The following PHLPP2 variants were observed in gnomAD, a reference collection of about 807,000 sequenced individuals.
PHLPP2 encodes PH domain and leucine rich repeat protein phosphatase 2, also known as PH domain leucine-rich repeat-containing protein phosphatase 2.
PHLPP2 carries 66 observed loss-of-function variants against 124.9 expected under a neutral mutation model. The observed-to-expected ratio is 0.53, with a 90% CI of 0.43 to 0.65. The LOEUF is 0.65. Ranked by LOEUF, PHLPP2 falls within the 30% of genes least tolerant of loss-of-function variation. The probability of loss-of-function intolerance (pLI) is 0.00; values close to 1 mark genes in which losing one functional copy is unlikely to be tolerated. For synonymous variants in PHLPP2, 681 were observed against 624.7 expected (o/e 1.09, Z -1.34); for missense variants, 1,685 against 1,600.4 (o/e 1.05, Z -0.90).
chr16:71,656,547 A>C (rs768867406), intron 16 of PHLPP2, 24 bp downstream of exon 16: 2 of 1,403,466 alleles, frequency 1.4e-6, no homozygotes, highest in Non-Finnish European at 1.0e-6. Flanking sequence ...TTTCTTTCTC[A>C]GTCTCCATGG....
At chr16:71,723,764 C>T (rs1192900804) in intron 1 of PHLPP2, 15 of 1,320,420 alleles carry the variant, frequency 1.1e-5, no homozygotes, top group Admixed American at 2.7e-5. Flanking sequence ...CATCCGCCTC[C>T]TCACCTTCAG....
intron 5 of PHLPP2, 80 bp downstream of exon 5, chr16:71,684,396 G>T (rs1223872756): frequency 6.9e-7 from 1 of 1,458,170 alleles, no homozygotes; most frequent in Non-Finnish European, 9.5e-7. Context: ...AAAGTGCTGG[G>T]ATTACAGACG....
chr16:71,687,261 G>T (rs1322973986), intron 4 of PHLPP2, among the ~76,000 whole-genome samples: 1 of 152,078 alleles, frequency 6.6e-6, no homozygotes, highest in Non-Finnish European at 1.5e-5. Context: ...TAATGGGTTT[G>T]TCTTTTTGTT....
At chr16:71,679,102 A>C in intron 7 of PHLPP2, 117 bp from the exon 8 acceptor site, 1 of 661,624 alleles carries the variant, frequency 1.5e-6, no homozygotes, top group Non-Finnish European at 2.6e-6. Flanking sequence ...AAAATAGTAA[A>C]GTGTCCTAAC....
chr16:71,691,683 G>A (rs1396730899), intron 3 of PHLPP2, among the ~76,000 whole-genome samples: 1 of 151,838 alleles, frequency 6.6e-6, no homozygotes. Flanking sequence ...AAAGCTTATG[G>A]GTGGTACTTC....
rs117325492 is a variant in PHLPP2, at chr16:71,684,521, G to A, written c.690C>T (p.Phe230=). The A allele has an allele frequency of 6.2e-4, 999 of 1,613,774 alleles. 14 individuals carry two copies. The East Asian group carries it at 0.019, about 31-fold the overall frequency. The change falls in exon 5 of 19, where the codon TTC becomes TTT. Residue 230 remains phenylalanine (F), a synonymous_variant. Coordinates refer to ENST00000568954, the MANE Select transcript of PHLPP2 (RefSeq NM_015020.3). The part of the protein sequence containing the change: ...GAQAQTYHVS[F]ETLAEYQRWQ... ...ATCGCTGGTACTCGGCCAAAGTCTC[G>A]AAGCTGACATGATAGGTCTGAGCTT...
intron 2 of PHLPP2, among the ~76,000 whole-genome samples, chr16:71,705,407 A>C (rs1437631935): frequency 6.6e-6 from 1 of 152,232 alleles, no homozygotes; most frequent in Non-Finnish European, 1.5e-5. Flanking sequence ...AAGAAATGGA[A>C]GCATCCTAAT....
In PHLPP2 at chr16:71,658,342, C is replaced by T. The variant is rs778098417; in HGVS notation, c.2170G>A (p.Asp724Asn). Residue 724 changes from aspartate (D) to asparagine (N), a missense_variant, in exon 15 of 19, where the codon GAC becomes AAC. By Grantham distance (23) the Asp-to-Asn change is conservative (BLOSUM62 1). Transcript: ENST00000568954. ...QIQFVDLSCN[D>N]LTEILIPEAL... ...TCTGGAATCAGGATTTCTGTCAAGT[C>T]GTTGCAACTTAGGTCTACAAACTAA... 19 of 1,613,614 alleles carry T rather than the reference C, an allele frequency of 1.2e-5. No individual in the cohort carries two copies. Among genetic ancestry groups the T allele is most frequent in the South Asian group, 5.5e-5 (5 of 91,014 alleles).
intron 3 of PHLPP2, among the ~76,000 whole-genome samples, chr16:71,693,255 C>G (rs1431529829): frequency 6.6e-6 from 1 of 152,112 alleles, no homozygotes. Flanking sequence ...CCATTGCACT[C>G]CAGCCTGGGG....
Position 71,649,556 on chromosome 16 carries a change from A to C in PHLPP2, c.3306T>G (p.Asn1102Lys). ...GCAAGGCAGTGTCCAGGCCCCCAGC[A>C]TTATGCTCATCAGAAGCAGTGGACC... is the stretch of plus-strand genomic sequence containing the variant. ...EVGSTASDEH[N>K]AGGLDTALLP... The change falls in exon 19 of 19, where the codon AAT becomes AAG. Residue 1102 changes from asparagine to lysine, a missense_variant. By Grantham distance (94) the Asn-to-Lys change is moderately conservative (BLOSUM62 0). Coordinates refer to ENST00000568954, the MANE Select transcript of PHLPP2 (RefSeq NM_015020.3). 1 of 1,614,178 alleles carries C rather than the reference A, an allele frequency of 6.2e-7. No homozygotes were observed. Among genetic ancestry groups the C allele is most frequent in the Non-Finnish European group, 8.5e-7 (1 of 1,180,034 alleles).
intron 1 of PHLPP2, among the ~76,000 whole-genome samples, chr16:71,716,328 C>T (rs974885406): frequency 1.3e-5 from 2 of 152,138 alleles, no homozygotes; most frequent in African/African-American, 4.8e-5. Context: ...TGCTTTACAT[C>T]CCAAATAAGC....
In PHLPP2 at chr16:71,714,555, C is replaced by T; in HGVS notation, c.241G>A (p.Gly81Arg). 6.2e-7 allele frequency: 1 copy of T among 1,613,726 alleles called. No homozygotes were observed. Among genetic ancestry groups the T allele is most frequent in the African/African-American group, 1.3e-5 (1 of 75,018 alleles). Residue 81 changes from glycine (G) to arginine (R), a missense_variant, in exon 2 of 19, where the codon GGA becomes AGA. Physicochemically the swap from Gly to Arg is moderately radical, Grantham distance 125. Coordinates refer to ENST00000568954, the MANE Select transcript of PHLPP2 (RefSeq NM_015020.3). ...AGCTGTAAATAAAGACTTTCTCTTC[C>T]CTCTCCAGCACATATTTCTGATGCT... The part of the protein sequence containing the change: ...TPASEICAGE[G>R]RESLYLQLHG...
chr16:71,691,387 G>A (rs147922055), intron 3 of PHLPP2, among the ~76,000 whole-genome samples: 6,925 of 151,992 alleles, frequency 0.046, 556 homozygotes, highest in African/African-American at 0.16. Context: ...CGTGAACCCA[G>A]AAGGCAAAGC....
rs756299158 is a variant in PHLPP2, at chr16:71,714,622, AGAG to A, written c.171_173del (p.Ser60del). 7.4e-6 allele frequency: 12 copies of A among 1,613,378 alleles called. No homozygotes were observed. Among genetic ancestry groups the A allele is most frequent in the African/African-American group, 1.3e-5 (1 of 75,016 alleles). On this transcript the variant is annotated inframe_deletion, in exon 2 of 19. Coordinates refer to ENST00000568954, the MANE Select transcript of PHLPP2 (RefSeq NM_015020.3). ...AAAGGACGAGATGTAAGTCAGAGGA[AGAG>A]GAGGAGGAGGAAGAGGAAGAGGAGG... is the stretch of plus-strand genomic sequence containing the variant.
chr16:71,720,055 GC>G (rs1034730844), intron 1 of PHLPP2, among the ~76,000 whole-genome samples: 1 of 139,794 alleles, frequency 7.2e-6, no homozygotes, highest in Non-Finnish European at 1.5e-5. Context: ...TGCAGGCTCC[GC>G]CCCCCGGGGT....
At chr16:71,704,351 A>G (rs964309093) in intron 2 of PHLPP2, among the ~76,000 whole-genome samples, 20 of 151,494 alleles carry the variant, frequency 1.3e-4, no homozygotes, top group African/African-American at 4.6e-4. Flanking sequence ...ATTAATAACT[A>G]TAAGAAACAT....
chr16:71,648,773 A>G lies in PHLPP2; in HGVS notation c.*117T>C. 1 of 802,436 alleles carries G rather than the reference A, an allele frequency of 1.2e-6. No homozygotes were observed. 49.7% of individuals were successfully genotyped at this position (802,436 alleles called of 1,614,324 possible). ...GCGACTGAGCAAGACTCCGTCTCAAAACAAACAAACAAAAAAAAAACGAAC... is the reference window on the plus strand; with the variant it reads ...GCGACTGAGCAAGACTCCGTCTCAAGACAAACAAACAAAAAAAAAACGAAC... On this transcript the variant is annotated 3_prime_UTR_variant, in exon 19 of 19. Transcript: ENST00000568954.
In PHLPP2 at chr16:71,647,394, C is replaced by G. The variant is rs1489804863; in HGVS notation, c.*1496G>C. The G allele has an allele frequency of 6.6e-6, 1 of 152,630 alleles. No individual in the cohort carries two copies. The highest frequency in any genetic ancestry group is 1.5e-5 in the Non-Finnish European group (1 of 68,030). 9.5% of individuals were successfully genotyped at this position (152,630 alleles called of 1,614,324 possible). A position where few individuals can be genotyped will look rare whatever the true frequency, so the allele number is the denominator to read the frequency against. The stretch of plus-strand genomic sequence containing the variant: ...TATTGAGCCCAGTATTCTGAAACCA[C>G]ATAAAGTGAATATGCAGTTTTCAGA... On this transcript the variant is annotated 3_prime_UTR_variant, in exon 19 of 19. Transcript: ENST00000568954.
At chr16:71,665,551 C>G (rs1423585198) in intron 12 of PHLPP2, among the ~76,000 whole-genome samples, 1 of 152,164 alleles carries the variant, frequency 6.6e-6, no homozygotes, top group Non-Finnish European at 1.5e-5. Flanking sequence ...TCCATAATCC[C>G]TGATTCACTT....
Sources: allele counts gnomAD v4.1 joint callset (sites outside exome capture counted in the v4.1 genomes callset), GRCh38; gene constraint gnomAD v4.1.1; transcripts MANE v1.5; gene names NCBI Gene and HGNC (gene_info 2026-07-23, HGNC 2026-07-21).